The following C1orf21 variants were observed in gnomAD, a reference collection of about 807,000 sequenced individuals.
C1orf21 encodes uncharacterized protein C1orf21.
Under a neutral mutation model 18.7 loss-of-function variants are expected in C1orf21, and 3 were observed. The ratio of observed to expected loss-of-function variants is 0.16; its 90% confidence interval spans 0.07 to 0.42. C1orf21 has a LOEUF of 0.42. Ranked by LOEUF, C1orf21 falls within the 10% of genes least tolerant of loss-of-function variation. C1orf21 has a pLI of 0.99. For synonymous variants in C1orf21, 41 were observed against 46.4 expected (o/e 0.88, Z 0.47); for missense variants, 104 against 143.6 (o/e 0.72, Z 1.41).
At chr1:184,479,272 G>T (rs1333014104) in intron 2 of C1orf21, among the ~76,000 whole-genome samples, 1 of 151,922 alleles carries the variant, frequency 6.6e-6, no homozygotes, top group African/African-American at 2.4e-5. Context: ...ATCCTGAAAC[G>T]CTTGACTTTT....
At chr1:184,582,190 G>A (rs764239189) in intron 3 of C1orf21, among the ~76,000 whole-genome samples, 5 of 152,152 alleles carry the variant, frequency 3.3e-5, no homozygotes, top group Admixed American at 1.3e-4. Context: ...TGTTAATACC[G>A]CTTGAGAAAT....
At chr1:184,505,582 G>A (rs1658048215) in intron 2 of C1orf21, among the ~76,000 whole-genome samples, 1 of 151,530 alleles carries the variant, frequency 6.6e-6, no homozygotes, top group African/African-American at 2.4e-5. Context: ...GGCCAACATG[G>A]TAAAACCCGT....
At chr1:184,564,451 GA>G (rs779202061) in intron 3 of C1orf21, among the ~76,000 whole-genome samples, 2 of 152,074 alleles carry the variant, frequency 1.3e-5, no homozygotes, top group Non-Finnish European at 2.9e-5. Flanking sequence ...GGGACTACAG[GA>G]ATGCACCACC....
At chr1:184,568,512 G>C (rs1360679074) in intron 3 of C1orf21, 2 of 455,634 alleles carry the variant, frequency 4.4e-6, no homozygotes, top group Admixed American at 5.0e-5. Flanking sequence ...AATAATATTT[G>C]ATATTTATTG....
At chr1:184,533,595 C>CTA (rs1323077332) in intron 3 of C1orf21, among the ~76,000 whole-genome samples, 1 of 152,050 alleles carries the variant, frequency 6.6e-6, no homozygotes, top group Non-Finnish European at 1.5e-5. Context: ...TTTTTTTCAG[C>CTA]TATTGGTTCT....
In C1orf21 at chr1:184,410,644, TATATATATATATA is replaced by T. The variant is rs1557965051; in HGVS notation, c.-125+23277_-125+23289del. On this transcript the variant is annotated intron_variant, in intron 1 of 5. Transcript: ENST00000235307. Reference sequence around the variant, plus strand: ...ATATATATATATATATATATATATATATATATATATATATATATATTTTTTTTTTTTTTTTTTG... The same window carrying T: ...ATATATATATATATATATATATATATTATATATTTTTTTTTTTTTTTTTTG... Among the ~76,000 whole-genome samples, 12 of 5,172 alleles carry T rather than the reference TATATATATATATA, an allele frequency of 2.3e-3. 1 individual carries two copies. Among genetic ancestry groups the T allele is most frequent in the East Asian group, 6.3e-3 (1 of 158 alleles). The allele number at this position is 5,172 out of a possible 152,430, so 3.4% of individuals were successfully genotyped here.
intron 1 of C1orf21, among the ~76,000 whole-genome samples, chr1:184,446,014 C>T (rs781116486): frequency 8.6e-5 from 13 of 151,998 alleles, no homozygotes; most frequent in African/African-American, 3.1e-4. Flanking sequence ...TGAATTTTCT[C>T]GGGAGATTAA....
At chr1:184,414,891 T>G (rs1349908489) in intron 1 of C1orf21, among the ~76,000 whole-genome samples, 2 of 152,186 alleles carry the variant, frequency 1.3e-5, no homozygotes, top group East Asian at 3.8e-4. Context: ...TTCTTCTTAC[T>G]TTTGTGTGGG....
At chr1:184,445,599 G>A (rs535787550) in intron 1 of C1orf21, among the ~76,000 whole-genome samples, 1 of 151,804 alleles carries the variant, frequency 6.6e-6, no homozygotes, top group African/African-American at 2.4e-5. Flanking sequence ...CAACTCATTG[G>A]AACATACTTG....
At chr1:184,499,954 G>C (rs1408304882) in intron 2 of C1orf21, among the ~76,000 whole-genome samples, 1 of 152,208 alleles carries the variant, frequency 6.6e-6, no homozygotes, top group African/African-American at 2.4e-5. Context: ...GCGACTTCAA[G>C]AGTCCCAGCA....
intron 5 of C1orf21, among the ~76,000 whole-genome samples, chr1:184,614,226 C>T (rs180684989): frequency 6.6e-6 from 1 of 152,348 alleles, no homozygotes; most frequent in East Asian, 1.9e-4. Flanking sequence ...AAGCACCTAC[C>T]ATGTGCCTAG....
chr1:184,543,360 C>A (rs1159333338), intron 3 of C1orf21, among the ~76,000 whole-genome samples: 1 of 152,034 alleles, frequency 6.6e-6, no homozygotes, highest in East Asian at 1.9e-4. Context: ...AAAAAAAAAT[C>A]TTTCTCTGAC....
chr1:184,527,091 C>T (rs1353433715), intron 3 of C1orf21, among the ~76,000 whole-genome samples: 2 of 152,298 alleles, frequency 1.3e-5, no homozygotes, highest in East Asian at 3.9e-4. Flanking sequence ...AGCTAAACTA[C>T]CTTCAGCATC....
At position 184,476,533 on chromosome 1, in the gene C1orf21, T is replaced by C. The variant is rs74515913; in HGVS notation, c.-124-853T>C. Reference sequence around the variant, plus strand: ...GTTGAGCAGAGCAAACACTCAGAATTTGAGGAGCCACCTTGGATGGGGCAG... The same window carrying C: ...GTTGAGCAGAGCAAACACTCAGAATCTGAGGAGCCACCTTGGATGGGGCAG... On this transcript the variant is annotated intron_variant, in intron 1 of 5. Coordinates refer to ENST00000235307, the MANE Select transcript of C1orf21 (RefSeq NM_030806.4). Among the ~76,000 whole-genome samples the C allele has an allele frequency of 3.8e-3, 577 of 152,268 alleles. 6 individuals are homozygous for C. The highest frequency in any genetic ancestry group is 0.017 in the Middle Eastern group (5 of 294).
Position 184,617,194 on chromosome 1 carries a change from G to A in C1orf21, c.328-2324G>A, listed in dbSNP as rs546793302. Among the ~76,000 whole-genome samples the A allele has an allele frequency of 9.9e-5, 15 of 152,184 alleles. 1 individual carries two copies. The South Asian group carries it at 2.5e-3, about 25-fold the overall frequency. On this transcript the variant is annotated intron_variant, in intron 5 of 5. Coordinates refer to ENST00000235307, the MANE Select transcript of C1orf21 (RefSeq NM_030806.4). ...ACCATAACCCTATGGGATGGAGACC[G>A]TGATTATCCCCAGGAAACCAAAGCC...
At chr1:184,562,851 T>A (rs1186436513) in intron 3 of C1orf21, among the ~76,000 whole-genome samples, 1 of 152,208 alleles carries the variant, frequency 6.6e-6, no homozygotes, top group Non-Finnish European at 1.5e-5. Flanking sequence ...AGGATATATA[T>A]TTGCACGTGT....
At chr1:184,505,923 C>T (rs1427765590) in intron 2 of C1orf21, among the ~76,000 whole-genome samples, 1 of 151,460 alleles carries the variant, frequency 6.6e-6, no homozygotes, top group Non-Finnish European at 1.5e-5. Flanking sequence ...GCAAATTTGT[C>T]AGTGTCTTCT....
intron 2 of C1orf21, among the ~76,000 whole-genome samples, chr1:184,503,691 C>A (rs1028264371): frequency 5.3e-5 from 8 of 152,100 alleles, no homozygotes; most frequent in African/African-American, 1.9e-4. Context: ...GTGTTCAACC[C>A]AATAAAGATG....
chr1:184,434,685 G>T (rs1656829291), intron 1 of C1orf21, among the ~76,000 whole-genome samples: 1 of 152,154 alleles, frequency 6.6e-6, no homozygotes, highest in Non-Finnish European at 1.5e-5. Flanking sequence ...GGTGATGGAA[G>T]GCACCCATGA....
Sources: allele counts gnomAD v4.1 joint callset (sites outside exome capture counted in the v4.1 genomes callset), GRCh38; gene constraint gnomAD v4.1.1; transcripts MANE v1.5; gene names NCBI Gene and HGNC (gene_info 2026-07-23, HGNC 2026-07-21).